The following TRIM71 variants were observed in gnomAD, a reference collection of about 807,000 sequenced individuals.
TRIM71 encodes the protein tripartite motif containing 71, also known as E3 ubiquitin-protein ligase TRIM71.
TRIM71 carries 9 observed loss-of-function variants against 61.2 expected under a neutral mutation model. The ratio of observed to expected loss-of-function variants is 0.15; its 90% CI spans 0.09 to 0.26. The LOEUF is 0.26. Ranked by LOEUF, TRIM71 falls within the 10% of genes least tolerant of loss-of-function variation. The pLI, the probability that TRIM71 is intolerant of heterozygous loss-of-function variation, is 1.00. For synonymous variants in TRIM71, 645 were observed against 553.2 expected, an observed-to-expected ratio of 1.17 and a Z score of -2.33; for missense variants, 998 against 1,238.7, an observed-to-expected ratio of 0.81 and a Z score of 2.92.
At chr3:32,863,035 G>C (rs923022038) in intron 1 of TRIM71, among the ~76,000 whole-genome samples, 1 of 152,210 alleles carries the variant, frequency 6.6e-6, no homozygotes, top group Non-Finnish European at 1.5e-5. Context: ...GGGGCCATTG[G>C]AGTTAACTCA....
intron 3 of TRIM71, among the ~76,000 whole-genome samples, chr3:32,888,473 A>T (rs9825469): frequency 0.38 from 49,210 of 129,978 alleles, 9,491 homozygotes; most frequent in Middle Eastern, 0.5. Context: ...AAAAAAAAAA[A>T]GGTGCCCTGT....
At chr3:32,849,527 T>C (rs1375104235) in intron 1 of TRIM71, among the ~76,000 whole-genome samples, 1 of 151,994 alleles carries the variant, frequency 6.6e-6, no homozygotes, top group East Asian at 1.9e-4. Context: ...TCCAGCTAAT[T>C]TTTGTATTTT....
chr3:32,853,988 A>G (rs928967572), intron 1 of TRIM71, among the ~76,000 whole-genome samples: 5 of 151,474 alleles, frequency 3.3e-5, no homozygotes, highest in Non-Finnish European at 7.4e-5. Context: ...TGGGTGACAG[A>G]GCGAGACTCC....
At chr3:32,844,019 A>G (rs1179581405) in intron 1 of TRIM71, among the ~76,000 whole-genome samples, 1 of 152,158 alleles carries the variant, frequency 6.6e-6, no homozygotes, top group Non-Finnish European at 1.5e-5. Flanking sequence ...GTGTCCTAAA[A>G]ACTATGAGAG....
intron 1 of TRIM71, among the ~76,000 whole-genome samples, chr3:32,869,571 A>G (rs1466963694): frequency 2.0e-5 from 3 of 152,250 alleles, no homozygotes; most frequent in African/African-American, 2.4e-5. Flanking sequence ...GCGTGCACAC[A>G]CGTTCATTAA....
intron 2 of TRIM71, among the ~76,000 whole-genome samples, chr3:32,876,844 ATGGAAATTCAC>A (rs1696857104): frequency 1.3e-5 from 2 of 152,196 alleles, no homozygotes; most frequent in South Asian, 2.1e-4. Flanking sequence ...TCTCAGAGAA[ATGGAAATTCAC>A]TGGAAATTCT....
intron 2 of TRIM71, among the ~76,000 whole-genome samples, chr3:32,878,122 T>G (rs1480644074): frequency 1.3e-5 from 2 of 152,260 alleles, no homozygotes; most frequent in African/African-American, 2.4e-5. Flanking sequence ...ATAATAAGAC[T>G]TGAAAGTTGA....
chr3:32,873,847 T>C lies in TRIM71; in HGVS notation c.882T>C (p.Ser294=), dbSNP rs1330495176. Residue 294 remains serine (S), a synonymous_variant, in exon 2 of 4, where the codon TCT becomes TCC. Transcript: ENST00000383763. ...TGCACCTGTACTGTGACACTTGCTCTGTACCCATCTGTCGTGAGTGCACAA... is the reference window on the plus strand; with the variant it reads ...TGCACCTGTACTGTGACACTTGCTCCGTACCCATCTGTCGTGAGTGCACAA... ...EVLHLYCDTC[S]VPICRECTMG... is the part of the protein sequence containing the mutation. The C allele has an allele frequency of 6.2e-7, 1 of 1,611,366 alleles. No individual in the cohort carries two copies. Among genetic ancestry groups the C allele is most frequent in the Non-Finnish European group, 8.5e-7 (1 of 1,178,476 alleles).
intron 1 of TRIM71, among the ~76,000 whole-genome samples, chr3:32,869,756 TG>T (rs1696776255): frequency 6.6e-6 from 1 of 152,170 alleles, no homozygotes; most frequent in Non-Finnish European, 1.5e-5. Flanking sequence ...TTCTAGATTT[TG>T]GGGAGAGGAA....
At position 32,818,450 on chromosome 3, in the gene TRIM71, G is replaced by A; in HGVS notation, c.370G>A (p.Val124Met). ...FLLSNLLDAV[V>M]ATADEPPPKN... ...GCTTAGCAACCTGCTCGACGCGGTGGTGGCCACTGCCGACGAGCCGCCGCC... is the reference window on the plus strand; with the variant it reads ...GCTTAGCAACCTGCTCGACGCGGTGATGGCCACTGCCGACGAGCCGCCGCC... Residue 124 changes from valine (V) to methionine (M), a missense_variant, in exon 1 of 4, where the codon GTG (valine) becomes ATG (methionine). Val to Met is a conservative substitution (Grantham distance 21). This residue lies in a region of TRIM71 where 527 missense variants were observed against 427.8 expected (regional missense o/e 1.23). Transcript: ENST00000383763. 6.8e-7 allele frequency: 1 copy of A among 1,465,930 alleles called. No homozygotes were observed. Among genetic ancestry groups the A allele is most frequent in the Non-Finnish European group, 9.0e-7 (1 of 1,113,724 alleles). 90.8% of individuals were successfully genotyped at this position (1,465,930 alleles called of 1,614,324 possible).
At position 32,885,981 on chromosome 3, in the gene TRIM71, G is replaced by A; in HGVS notation, c.1068G>A (p.Lys356=). ...CGGTGGCGGAACAGGTGGAGATGAAGGCGAAGGTTGTGCAGTCGGAGGTCA... is the reference window on the plus strand; with the variant it reads ...CGGTGGCGGAACAGGTGGAGATGAAAGCGAAGGTTGTGCAGTCGGAGGTCA... The part of the protein sequence containing the change: ...AQTVAEQVEM[K]AKVVQSEVKA... The change falls in exon 3 of 4, where the codon AAG becomes AAA. Residue 356 remains lysine (K), a synonymous_variant. Coordinates refer to ENST00000383763, the MANE Select transcript of TRIM71 (RefSeq NM_001039111.3). The A allele has an allele frequency of 6.2e-7, 1 of 1,614,204 alleles. No individual in the cohort carries two copies. The highest frequency in any genetic ancestry group is 8.5e-7 in the Non-Finnish European group (1 of 1,180,026).
chr3:32,847,041 T>G (rs1378451208), intron 1 of TRIM71, among the ~76,000 whole-genome samples: 1 of 152,068 alleles, frequency 6.6e-6, no homozygotes, highest in Non-Finnish European at 1.5e-5. Flanking sequence ...GGAAGTTCTG[T>G]TTTTGTTTTG....
At chr3:32,880,903 A>T (rs1321498439) in intron 2 of TRIM71, among the ~76,000 whole-genome samples, 1 of 152,204 alleles carries the variant, frequency 6.6e-6, no homozygotes, top group African/African-American at 2.4e-5. Context: ...TTAAGATGCC[A>T]TTAATTGTAA....
intron 1 of TRIM71, among the ~76,000 whole-genome samples, chr3:32,841,118 G>A (rs991598854): frequency 6.6e-6 from 1 of 151,998 alleles, no homozygotes; most frequent in African/African-American, 2.4e-5. Flanking sequence ...GGTGGCGGTC[G>A]CCTGTAGTCC....
chr3:32,841,754 G>C (rs1673019216), intron 1 of TRIM71, among the ~76,000 whole-genome samples: 1 of 152,148 alleles, frequency 6.6e-6, no homozygotes, highest in African/African-American at 2.4e-5. Flanking sequence ...TTTTCAAGAG[G>C]TTTGTGGGAC....
At chr3:32,886,557 A>G (rs1031898577) in intron 3 of TRIM71, among the ~76,000 whole-genome samples, 1 of 152,238 alleles carries the variant, frequency 6.6e-6, no homozygotes, top group Non-Finnish European at 1.5e-5. Flanking sequence ...AAAATCAGCT[A>G]GAAAGACTAC....
intron 2 of TRIM71, among the ~76,000 whole-genome samples, chr3:32,881,873 A>AT (rs899059574): frequency 2.6e-4 from 40 of 152,170 alleles, no homozygotes; most frequent in African/African-American, 9.6e-4. Context: ...GGAAAGACCT[A>AT]TTTTTCCACT....
chr3:32,869,055 C>T (rs1052381118), intron 1 of TRIM71, among the ~76,000 whole-genome samples: 23 of 152,188 alleles, frequency 1.5e-4, no homozygotes, highest in African/African-American at 5.1e-4. Context: ...CTAGATTTTA[C>T]CTCCTTGAAC....
intron 1 of TRIM71, among the ~76,000 whole-genome samples, chr3:32,820,807 G>A (rs1285230765): frequency 6.6e-6 from 1 of 152,190 alleles, no homozygotes; most frequent in Non-Finnish European, 1.5e-5. Flanking sequence ...CTCACCCTGG[G>A]AGGTACTCGG....
Sources: gnomAD v4.1 joint callset for allele counts (sites outside exome capture counted in the v4.1 genomes callset) on GRCh38, gnomAD v4.1.1 for gene constraint, gnomAD v4.1.1 regional missense constraint, MANE v1.5 for transcripts, NCBI Gene and HGNC (gene_info 2026-07-23, HGNC 2026-07-21) for gene names.